The following ADAM23 variants were observed in gnomAD, a reference collection of about 807,000 sequenced individuals.
ADAM23 encodes disintegrin and metalloproteinase domain-containing protein 23.
In ADAM23, 33 loss-of-function variants were observed where a neutral mutation model predicts 120.1. The observed-to-expected ratio is 0.27, with a 90% CI of 0.21 to 0.37. ADAM23 has a LOEUF of 0.37. Among genes scored for constraint, ADAM23 ranks in the 10% least tolerant of loss-of-function variants. The pLI, the probability that ADAM23 is intolerant of heterozygous loss-of-function variation, is 1.00. For synonymous variants in ADAM23, 367 were observed against 375.2 expected (o/e 0.98, Z 0.25); for missense variants, 862 against 1,058.2 (o/e 0.81, Z 2.57).
At chr2:206,537,880 C>G (rs3755225) in intron 4 of ADAM23, among the ~76,000 whole-genome samples, 5,139 of 152,228 alleles carry the variant, frequency 0.034, 144 homozygotes, top group East Asian at 0.089. Context: ...ACTATCCACA[C>G]TAAATCACTT....
chr2:206,592,542 G>A, intron 21 of ADAM23, 75 bp from the exon 22 acceptor site: 1 of 1,542,540 alleles, frequency 6.5e-7, no homozygotes, highest in Admixed American at 1.8e-5. Context: ...TTGAATCAAT[G>A]TGGACCGAAT....
At chr2:206,452,492 T>C (rs1023883173) in intron 2 of ADAM23, among the ~76,000 whole-genome samples, 5 of 152,132 alleles carry the variant, frequency 3.3e-5, no homozygotes, top group African/African-American at 9.7e-5. Context: ...CCACTGTCCT[T>C]CTCTTTACAG....
chr2:206,496,123 A>C (rs752214093), intron 3 of ADAM23, among the ~76,000 whole-genome samples: 1 of 152,106 alleles, frequency 6.6e-6, no homozygotes, highest in East Asian at 1.9e-4. Context: ...ATATCCAGGA[A>C]TTGAACTCAG....
chr2:206,580,154 A>G (rs186878663), intron 18 of ADAM23, among the ~76,000 whole-genome samples: 1 of 152,286 alleles, frequency 6.6e-6, no homozygotes, highest in African/African-American at 2.4e-5. Context: ...CAATCATATC[A>G]TCAGCAAACA....
chr2:206,500,350 C>T (rs978922864), intron 3 of ADAM23, among the ~76,000 whole-genome samples: 3 of 152,028 alleles, frequency 2.0e-5, no homozygotes, highest in African/African-American at 7.2e-5. Flanking sequence ...AACACAATTC[C>T]TTAGATATTA....
At chr2:206,531,791 A>G (rs761700567) in intron 4 of ADAM23, among the ~76,000 whole-genome samples, 5 of 152,224 alleles carry the variant, frequency 3.3e-5, no homozygotes, top group Non-Finnish European at 7.3e-5. Flanking sequence ...TCTTTTTCCT[A>G]GATTGCTAAC....
intron 2 of ADAM23, among the ~76,000 whole-genome samples, chr2:206,467,189 C>A (rs1695558900): frequency 6.6e-6 from 1 of 152,186 alleles, no homozygotes; most frequent in African/African-American, 2.4e-5. Flanking sequence ...TTTCATATTG[C>A]AAAATCCAGT....
At chr2:206,589,558 CCTT>C (rs1309362480) in intron 21 of ADAM23, 44 bp downstream of exon 21, 1 of 1,508,502 alleles carries the variant, frequency 6.6e-7, no homozygotes, top group Admixed American at 1.9e-5. Flanking sequence ...ACTTGGAAGC[CCTT>C]CTTATGCAAG....
In ADAM23 at chr2:206,458,471, A is replaced by G. The variant is rs115650171; in HGVS notation, c.432+12947A>G. Among the ~76,000 whole-genome samples, 363 of 152,344 alleles carry G rather than the reference A, an allele frequency of 2.4e-3. 1 individual carries two copies. Among genetic ancestry groups the G allele is most frequent in the Middle Eastern group, 6.8e-3 (2 of 294 alleles). ...TACCTCAGACGTAAGTGAACACCTA[A>G]GAAGGAGAGACTACATTGGGATGCA... is the stretch of plus-strand genomic sequence containing the variant. On this transcript the variant is annotated intron_variant, in intron 2 of 25. Coordinates refer to ENST00000264377, the MANE Select transcript of ADAM23 (RefSeq NM_003812.4).
intron 2 of ADAM23, among the ~76,000 whole-genome samples, chr2:206,473,579 A>C (rs1375863611): frequency 6.7e-6 from 1 of 148,374 alleles, no homozygotes; most frequent in Admixed American, 6.8e-5. Flanking sequence ...CTAAAATAAT[A>C]ATAATAATAA....
chr2:206,558,367 C>A (rs1257576675), intron 10 of ADAM23, among the ~76,000 whole-genome samples: 1 of 152,080 alleles, frequency 6.6e-6, no homozygotes, highest in Non-Finnish European at 1.5e-5. Context: ...TTATAAGTTG[C>A]CAAATATCTA....
At chr2:206,496,191 AAT>A (rs966271047) in intron 3 of ADAM23, among the ~76,000 whole-genome samples, 56 of 152,308 alleles carry the variant, frequency 3.7e-4, no homozygotes, top group African/African-American at 1.2e-3. Flanking sequence ...AAATCAACAG[AAT>A]ATACATTCTT....
intron 10 of ADAM23, among the ~76,000 whole-genome samples, chr2:206,559,229 C>A (rs1425171580): frequency 6.6e-6 from 1 of 152,208 alleles, no homozygotes; most frequent in African/African-American, 2.4e-5. Context: ...CAGGCGTGAG[C>A]TACCGCGCCT....
chr2:206,582,019 A>G (rs1382223430), intron 18 of ADAM23, among the ~76,000 whole-genome samples: 1 of 152,156 alleles, frequency 6.6e-6, no homozygotes, highest in African/African-American at 2.4e-5. Context: ...CTGGGATTAC[A>G]GGCAGGTGCC....
chr2:206,555,159 C>T (rs1237874167), intron 9 of ADAM23, among the ~76,000 whole-genome samples: 1 of 152,098 alleles, frequency 6.6e-6, no homozygotes, highest in African/African-American at 2.4e-5. Context: ...CCCTTAAGTT[C>T]TGTGCTCATA....
At chr2:206,569,239 A>G (rs576906575) in intron 15 of ADAM23, among the ~76,000 whole-genome samples, 10 of 152,198 alleles carry the variant, frequency 6.6e-5, no homozygotes, top group East Asian at 3.8e-4. Context: ...AGATCCATCA[A>G]TGGATTTCTG....
chr2:206,498,103 C>A (rs1490059383), intron 3 of ADAM23, among the ~76,000 whole-genome samples: 1 of 152,056 alleles, frequency 6.6e-6, no homozygotes, highest in Non-Finnish European at 1.5e-5. Context: ...TCAATGCCAT[C>A]CCCATCAAGC....
chr2:206,491,742 A>G (rs1380359209), intron 3 of ADAM23, among the ~76,000 whole-genome samples: 2 of 152,212 alleles, frequency 1.3e-5, no homozygotes, highest in South Asian at 4.1e-4. Flanking sequence ...AATTTTCATT[A>G]TCTGATACAA....
Position 206,617,667 on chromosome 2 carries a change from T to C in ADAM23, c.*40T>C, listed in dbSNP as rs1698960159. ...ATGGACACCGCCTTGCACTGTTGGA[T>C]TCTGGGTATGACATACTCGCAGCAG... On this transcript the variant is annotated 3_prime_UTR_variant, in exon 26 of 26. Transcript: ENST00000264377. 1.4e-5 allele frequency: 22 copies of C among 1,611,880 alleles called. No individual in the cohort carries two copies. Among genetic ancestry groups the C allele is most frequent in the Non-Finnish European group, 1.8e-5 (21 of 1,179,040 alleles).
Sources: gnomAD v4.1 joint callset for allele counts (sites outside exome capture counted in the v4.1 genomes callset) on GRCh38, gnomAD v4.1.1 for gene constraint, MANE v1.5 for transcripts, NCBI Gene and HGNC (gene_info 2026-07-23, HGNC 2026-07-21) for gene names.